Variants in LPP observed in about 807,000 individuals in gnomAD.
LPP encodes LIM domain containing preferred translocation partner in lipoma, also known as lipoma-preferred partner.
Under a neutral mutation model 60.4 loss-of-function variants are expected in LPP, and 38 were observed. The observed-to-expected ratio is 0.63, with a 90% CI of 0.49 to 0.83. LPP has a LOEUF of 0.83. Among genes scored for constraint, LPP ranks in the 40% least tolerant of loss-of-function variants. The probability of loss-of-function intolerance (pLI) is 0.00; values close to 1 mark genes in which losing one functional copy is unlikely to be tolerated. For missense variants in LPP, 902 were observed against 783.6 expected, an observed-to-expected ratio of 1.15 and a Z score of -1.80; for synonymous variants, 328 against 290.8, an observed-to-expected ratio of 1.13 and a Z score of -1.30.
chr3:188,747,169 C>G (rs1726505767), intron 8 of LPP, among the ~76,000 whole-genome samples: 1 of 152,194 alleles, frequency 6.6e-6, no homozygotes, highest in African/African-American at 2.4e-5. Flanking sequence ...AGTGTACCTT[C>G]ATTCCCAACC....
chr3:188,168,004 T>C (rs1470043330), intron 1 of LPP, among the ~76,000 whole-genome samples: 1 of 152,240 alleles, frequency 6.6e-6, no homozygotes, highest in Non-Finnish European at 1.5e-5. Context: ...TTTCTCTTTA[T>C]ATGGATTGTC....
At chr3:188,866,511 C>T (rs1256379306) in intron 10 of LPP, 133 bp downstream of exon 10, 2 of 641,308 alleles carry the variant, frequency 3.1e-6, no homozygotes, top group Non-Finnish European at 2.3e-6. Flanking sequence ...TTTAAAAGAG[C>T]TTATTGATCC....
intron 5 of LPP, among the ~76,000 whole-genome samples, chr3:188,519,782 T>C (rs1367223295): frequency 6.6e-6 from 1 of 152,130 alleles, no homozygotes; most frequent in Admixed American, 6.5e-5. Context: ...GGGTGAAGGA[T>C]GGGTGAGTGG....
chr3:188,217,977 G>T lies in LPP; in HGVS notation c.-189-7428G>T, dbSNP rs1023956788. 1.1e-4 allele frequency among the ~76,000 whole-genome samples: 17 copies of T among 152,168 alleles called. No homozygotes were observed. Among genetic ancestry groups the T allele is most frequent in the African/African-American group, 3.9e-4 (16 of 41,432 alleles). On this transcript the variant is annotated intron_variant, in intron 1 of 11. Transcript: ENST00000617246. The surrounding 1 kb of genome is among the most constrained non-coding windows in gnomAD (Gnocchi z 4.0). ...AACATTCTTTCCCACCAAGAATGAG[G>T]AACGTTCAGAGTGATGCTGACTTTA... is the stretch of plus-strand genomic sequence containing the variant.
chr3:188,365,309 C>G (rs1235607850), intron 3 of LPP, among the ~76,000 whole-genome samples: 1 of 152,078 alleles, frequency 6.6e-6, no homozygotes, highest in African/African-American at 2.4e-5. Flanking sequence ...AATACTTTTC[C>G]TGTAGAAGGT....
At chr3:188,556,244 G>A (rs1010609564) in intron 6 of LPP, among the ~76,000 whole-genome samples, 17 of 152,080 alleles carry the variant, frequency 1.1e-4, no homozygotes, top group Non-Finnish European at 2.9e-5. Context: ...AAGGGCTCTG[G>A]AGTTGCCCTG....
At chr3:188,811,388 A>ACACG (rs1553855676) in intron 9 of LPP, among the ~76,000 whole-genome samples, 20 of 150,824 alleles carry the variant, frequency 1.3e-4, no homozygotes, top group African/African-American at 3.9e-4. Context: ...ACACACACGC[A>ACACG]CACACGCTCA....
At chr3:188,243,057 T>C (rs1003070582) in intron 2 of LPP, among the ~76,000 whole-genome samples, 2 of 152,128 alleles carry the variant, frequency 1.3e-5, no homozygotes, top group Admixed American at 6.6e-5. Context: ...AACAATCTGG[T>C]TAGGAAAGTC....
intron 9 of LPP, among the ~76,000 whole-genome samples, chr3:188,833,587 C>T (rs1468830557): frequency 2.0e-5 from 3 of 152,272 alleles, no homozygotes; most frequent in East Asian, 1.9e-4. Flanking sequence ...ACATGCTTCT[C>T]TCTTCTTGAA....
intron 5 of LPP, among the ~76,000 whole-genome samples, chr3:188,495,082 A>ATATATATATATATATATATTT (rs1342207321): frequency 3.1e-5 from 3 of 97,238 alleles, no homozygotes; most frequent in African/African-American, 8.0e-5. Context: ...ATATATATAT[A>ATATATATATATATATATATTT]TTTTATTTAT....
intron 9 of LPP, among the ~76,000 whole-genome samples, chr3:188,847,998 T>C (rs904267006): frequency 6.6e-6 from 1 of 152,206 alleles, no homozygotes; most frequent in African/African-American, 2.4e-5. Context: ...TCTCAGGCAC[T>C]TGTGGGACCC....
At chr3:188,762,932 T>TTAAG (rs1396644533) in intron 9 of LPP, among the ~76,000 whole-genome samples, 1 of 152,184 alleles carries the variant, frequency 6.6e-6, no homozygotes, top group Non-Finnish European at 1.5e-5. Context: ...AGCACAGTCC[T>TTAAG]CAAGCCCTCA....
intron 2 of LPP, among the ~76,000 whole-genome samples, chr3:188,330,037 C>T (rs1434345850): frequency 6.6e-6 from 1 of 152,304 alleles, no homozygotes; most frequent in East Asian, 1.9e-4. Flanking sequence ...CCCCATCCTT[C>T]TCTTTCTCTC....
At chr3:188,426,783 T>C (rs574802048) in intron 4 of LPP, among the ~76,000 whole-genome samples, 1 of 152,296 alleles carries the variant, frequency 6.6e-6, no homozygotes, top group African/African-American at 2.4e-5. Flanking sequence ...CCCCTGCTTT[T>C]TTTTGCTTTC....
chr3:188,701,926 C>T (rs1030434007), intron 7 of LPP, among the ~76,000 whole-genome samples: 16 of 148,850 alleles, frequency 1.1e-4, no homozygotes, highest in Admixed American at 2.7e-4. Flanking sequence ...TTTTCTCATC[C>T]TAGTTCTGTT....
chr3:188,830,337 C>T (rs904830541), intron 9 of LPP, among the ~76,000 whole-genome samples: 18 of 149,960 alleles, frequency 1.2e-4, no homozygotes, highest in African/African-American at 3.4e-4. Context: ...CAACCAGGCG[C>T]GGTGGCTCTG....
At chr3:188,823,328 A>G (rs1224316340) in intron 9 of LPP, among the ~76,000 whole-genome samples, 1 of 152,122 alleles carries the variant, frequency 6.6e-6, no homozygotes, top group Non-Finnish European at 1.5e-5. Context: ...AGCATGGTTT[A>G]TCTTGCTGTT....
chr3:188,175,574 ATTTG>A lies in LPP; in HGVS notation c.-190+21334_-190+21337del, dbSNP rs561007055. Among the ~76,000 whole-genome samples the A allele has an allele frequency of 7.9e-5, 12 of 152,202 alleles. No individual in the cohort carries two copies. In the East Asian group the frequency reaches 2.3e-3, roughly 29 times the overall value. On this transcript the variant is annotated intron_variant, in intron 1 of 11. Transcript: ENST00000617246. ...TTTTATACTTGTAAGGTCGATCTGG[ATTTG>A]TTTGTTTGTTTTGATATGTAAGGAC...
At chr3:188,646,483 G>T (rs1388998211) in intron 7 of LPP, among the ~76,000 whole-genome samples, 2 of 152,094 alleles carry the variant, frequency 1.3e-5, no homozygotes, top group African/African-American at 2.4e-5. Context: ...GCATATTTTT[G>T]AATGATTGTA....
Sources: gnomAD v4.1 joint callset for allele counts (sites outside exome capture counted in the v4.1 genomes callset) on GRCh38, gnomAD v4.1.1 for gene constraint, Gnocchi (gnomAD v3.1) non-coding constraint, MANE v1.5 for transcripts, NCBI Gene and HGNC (gene_info 2026-07-23, HGNC 2026-07-21) for gene names.